The following PTPRD variants were observed in gnomAD, a reference collection of about 807,000 sequenced individuals.
The protein encoded by PTPRD is protein tyrosine phosphatase receptor type D, also known as receptor-type tyrosine-protein phosphatase delta.
In PTPRD, 34 loss-of-function variants were observed where a neutral mutation model predicts 214.5. That is an observed-to-expected ratio of 0.16 (90% CI 0.12 to 0.21). The LOEUF (loss-of-function observed/expected upper bound fraction) is 0.21, where lower values mean the gene tolerates loss of function less well. Ranked by LOEUF, PTPRD falls within the 10% of genes least tolerant of loss-of-function variation. PTPRD has a pLI of 1.00. For missense variants in PTPRD, 2,545 were observed against 2,398.7 expected (o/e 1.06, Z -1.27); for synonymous variants, 1,128 against 845.7 (o/e 1.33, Z -5.79).
chr9:9,520,937 G>C (rs1555919), intron 8 of PTPRD, among the ~76,000 whole-genome samples: 34,464 of 152,032 alleles, frequency 0.23, 5,057 homozygotes, highest in East Asian at 0.44. Flanking sequence ...AACTGCACCA[G>C]AATCATCTGG....
At chr9:10,142,803 C>G (rs2098995537) in intron 3 of PTPRD, among the ~76,000 whole-genome samples, 1 of 146,928 alleles carries the variant, frequency 6.8e-6, no homozygotes, top group African/African-American at 2.6e-5. Flanking sequence ...ATAAATCATG[C>G]TGCTATAAAG....
intron 9 of PTPRD, among the ~76,000 whole-genome samples, chr9:9,278,977 A>G (rs1316976987): frequency 6.6e-6 from 1 of 151,134 alleles, no homozygotes; most frequent in Non-Finnish European, 1.5e-5. Flanking sequence ...CACAAAATAA[A>G]CCTCAGTTTT....
intron 33 of PTPRD, among the ~76,000 whole-genome samples, chr9:8,456,431 C>G (rs537254243): frequency 3.6e-4 from 55 of 152,192 alleles, no homozygotes; most frequent in African/African-American, 1.3e-3. Context: ...TTGGAGTTAT[C>G]CAAGCCAAAA....
intron 3 of PTPRD, among the ~76,000 whole-genome samples, chr9:10,296,716 G>A (rs1481626192): frequency 6.6e-6 from 1 of 152,034 alleles, no homozygotes; most frequent in Non-Finnish European, 1.5e-5. Flanking sequence ...TCAGGTATCT[G>A]GGAGTGAGAT....
chr9:8,637,745 G>C (rs1242055909), intron 12 of PTPRD, among the ~76,000 whole-genome samples: 1 of 152,134 alleles, frequency 6.6e-6, no homozygotes, highest in Non-Finnish European at 1.5e-5. Flanking sequence ...ATAAGTAGTT[G>C]AAACATTAAA....
chr9:9,579,104 C>T (rs602962), intron 7 of PTPRD, among the ~76,000 whole-genome samples: 53,889 of 151,942 alleles, frequency 0.35, 10,010 homozygotes, highest in African/African-American at 0.43. Context: ...CATTGTACGG[C>T]ATTCTTACAA....
At chr9:10,392,428 C>CA (rs1159592623) in intron 2 of PTPRD, among the ~76,000 whole-genome samples, 1 of 151,768 alleles carries the variant, frequency 6.6e-6, no homozygotes, top group Non-Finnish European at 1.5e-5. Context: ...TGAAGCAGAC[C>CA]AATTTGAGGG....
At chr9:8,774,527 C>CTTTTTTTTT (rs564318443) in intron 11 of PTPRD, among the ~76,000 whole-genome samples, 109 of 105,212 alleles carry the variant, frequency 1.0e-3, no homozygotes, top group African/African-American at 1.9e-3. Context: ...TGAAAAGTAA[C>CTTTTTTTTT]TTTTTTTTTT....
intron 8 of PTPRD, among the ~76,000 whole-genome samples, chr9:9,482,695 C>T (rs2095469766): frequency 6.6e-6 from 1 of 152,120 alleles, no homozygotes. Context: ...TTAAATAGCA[C>T]ATTTATGCTT....
intron 14 of PTPRD, among the ~76,000 whole-genome samples, chr9:8,551,424 A>G (rs6477316): frequency 0.3 from 45,056 of 152,004 alleles, 6,879 homozygotes; most frequent in African/African-American, 0.36. Context: ...AACCCTTATT[A>G]TTATAGATAA....
intron 9 of PTPRD, among the ~76,000 whole-genome samples, chr9:9,336,760 A>G (rs1173468870): frequency 6.6e-6 from 1 of 152,172 alleles, no homozygotes; most frequent in Non-Finnish European, 1.5e-5. Flanking sequence ...TCACTTTTAA[A>G]ACGCCCTTGA....
intron 9 of PTPRD, among the ~76,000 whole-genome samples, chr9:9,265,291 T>C (rs549564316): frequency 1.3e-5 from 2 of 151,768 alleles, no homozygotes; most frequent in South Asian, 4.1e-4. Context: ...AGATAGCATC[T>C]CATTCTGTCA....
chr9:9,845,917 G>A (rs1024407464), intron 5 of PTPRD, among the ~76,000 whole-genome samples: 1 of 152,174 alleles, frequency 6.6e-6, no homozygotes, highest in South Asian at 2.1e-4. Flanking sequence ...TACACCTGGA[G>A]CAGAGAAGGA....
At chr9:9,578,628 A>G (rs1195160927) in intron 7 of PTPRD, among the ~76,000 whole-genome samples, 1 of 152,130 alleles carries the variant, frequency 6.6e-6, no homozygotes, top group Middle Eastern at 3.2e-3. Flanking sequence ...GGAAAATAAT[A>G]TTTAATCAGC....
intron 17 of PTPRD, 195 bp from the exon 18 acceptor site, chr9:8,525,230 AC>A (rs1564068625): frequency 1.4e-6 from 1 of 694,496 alleles, no homozygotes; most frequent in East Asian, 2.6e-5. Flanking sequence ...TTTTTTTTTT[AC>A]ATCATCAATG....
chr9:10,593,405 T>A (rs1422595168), intron 2 of PTPRD, among the ~76,000 whole-genome samples: 2 of 152,076 alleles, frequency 1.3e-5, no homozygotes, highest in Non-Finnish European at 2.9e-5. Context: ...TGGACATTAC[T>A]AGAAGCCTCA....
intron 8 of PTPRD, among the ~76,000 whole-genome samples, chr9:9,494,532 AAGTCAGCACATAAAATTC>A (rs1220009876): frequency 1.3e-5 from 2 of 152,254 alleles, no homozygotes; most frequent in Admixed American, 1.3e-4. Context: ...AAGATTTGCA[AAGTCAGCACATAAAATTC>A]AGTTGTACTT....
chr9:9,044,853 A>C (rs942664802), intron 10 of PTPRD, among the ~76,000 whole-genome samples: 3 of 152,196 alleles, frequency 2.0e-5, no homozygotes, highest in Non-Finnish European at 4.4e-5. Context: ...AACCAATGAA[A>C]TAGTTACCTT....
At chr9:10,401,337 T>C (rs1464672921) in intron 2 of PTPRD, among the ~76,000 whole-genome samples, 2 of 151,490 alleles carry the variant, frequency 1.3e-5, no homozygotes, top group African/African-American at 2.4e-5. Flanking sequence ...CTTGAAGTGA[T>C]CTCTAGATGA....
Sources: gnomAD v4.1 joint callset for allele counts (sites outside exome capture counted in the v4.1 genomes callset) on GRCh38, gnomAD v4.1.1 for gene constraint, MANE v1.5 for transcripts, NCBI Gene and HGNC (gene_info 2026-07-23, HGNC 2026-07-21) for gene names.